ASB3: variants seen among roughly 807,000 people sequenced by gnomAD.
The protein encoded by ASB3 is ankyrin repeat and SOCS box protein 3.
ASB3 carries 41 observed loss-of-function variants against 54.5 expected under a neutral mutation model. That is an observed-to-expected ratio of 0.75 (90% CI 0.59 to 0.98). The LOEUF (loss-of-function observed/expected upper bound fraction) is 0.98, where lower values mean the gene tolerates loss of function less well. Among genes scored for constraint, ASB3 ranks in the 50% least tolerant of loss-of-function variants. The pLI is 0.00. For synonymous variants in ASB3, 266 were observed against 221.2 expected (o/e 1.20, Z -1.80); for missense variants, 733 against 620.0 (o/e 1.18, Z -1.94).
intron 3 of ASB3, among the ~76,000 whole-genome samples, chr2:53,732,073 C>T (rs992544344): frequency 3.3e-5 from 5 of 152,092 alleles, no homozygotes; most frequent in Non-Finnish European, 7.3e-5. Context: ...ATTCTTCTGC[C>T]TCAACCTCCC....
intron 3 of ASB3, among the ~76,000 whole-genome samples, chr2:53,739,406 T>C (rs542655108): frequency 1.3e-5 from 2 of 152,186 alleles, no homozygotes; most frequent in African/African-American, 4.8e-5. Context: ...TACATACATG[T>C]AAGTACTAAA....
At chr2:53,761,818 A>C (rs1673164585) in intron 2 of ASB3, among the ~76,000 whole-genome samples, 1 of 152,230 alleles carries the variant, frequency 6.6e-6, no homozygotes, top group Admixed American at 6.5e-5. Flanking sequence ...GCACTTCTAA[A>C]ACTCCATCCT....
At chr2:53,697,718 G>GT (rs1669262265) in intron 8 of ASB3, among the ~76,000 whole-genome samples, 1 of 152,168 alleles carries the variant, frequency 6.6e-6, no homozygotes, top group Non-Finnish European at 1.5e-5. Context: ...TAGGACCCAA[G>GT]TAAGTCCAAA....
intron 1 of ASB3, among the ~76,000 whole-genome samples, chr2:53,772,426 G>C (rs988570734): frequency 1.3e-5 from 2 of 151,976 alleles, no homozygotes; most frequent in Non-Finnish European, 2.9e-5. Context: ...CGCCCGCCTT[G>C]GCCTCCCAAA....
intron 1 of ASB3, among the ~76,000 whole-genome samples, chr2:53,781,790 C>T (rs566566898): frequency 1.1e-4 from 17 of 152,280 alleles, no homozygotes; most frequent in African/African-American, 3.6e-4. Flanking sequence ...CCACCACGCC[C>T]GGCGGAGATT....
intron 3 of ASB3, among the ~76,000 whole-genome samples, chr2:53,742,502 A>T (rs143076006): frequency 6.6e-6 from 1 of 152,204 alleles, no homozygotes; most frequent in African/African-American, 2.4e-5. Flanking sequence ...ATTGTAGCTA[A>T]ATCTACAACT....
intron 9 of ASB3, among the ~76,000 whole-genome samples, chr2:53,676,116 T>C (rs762177035): frequency 5.9e-5 from 9 of 152,236 alleles, no homozygotes; most frequent in Non-Finnish European, 1.3e-4. Context: ...GGTTCTTTTA[T>C]ATATTGTATC....
intron 2 of ASB3, among the ~76,000 whole-genome samples, chr2:53,754,701 C>G (rs189167674): frequency 5.7e-4 from 87 of 152,284 alleles, no homozygotes; most frequent in African/African-American, 2.0e-3. Flanking sequence ...GATAAATTAG[C>G]TGGACCAACT....
chr2:53,711,231 G>A (rs562456276), intron 7 of ASB3, among the ~76,000 whole-genome samples: 20 of 152,246 alleles, frequency 1.3e-4, no homozygotes, highest in South Asian at 1.0e-3. Context: ...TAGGGTATCC[G>A]CTTCTCCAAG....
intron 1 of ASB3, among the ~76,000 whole-genome samples, chr2:53,771,045 A>G (rs1398446217): frequency 6.6e-6 from 1 of 152,214 alleles, no homozygotes; most frequent in Non-Finnish European, 1.5e-5. Flanking sequence ...AATCAGCAGG[A>G]AAGTTGTTAC....
intron 1 of ASB3, chr2:53,774,228 C>G (rs1294702413): frequency 6.2e-7 from 1 of 1,613,934 alleles, no homozygotes; most frequent in Non-Finnish European, 8.5e-7. Flanking sequence ...AAAAAGGAGG[C>G]TACAGAACCA....
intron 1 of ASB3, among the ~76,000 whole-genome samples, chr2:53,775,488 T>C (rs1219144830): frequency 6.6e-6 from 1 of 152,208 alleles, no homozygotes; most frequent in Non-Finnish European, 1.5e-5. Flanking sequence ...TTTGTTTTGT[T>C]TTTTGAGACG....
chr2:53,725,289 G>A (rs544687379), intron 5 of ASB3, among the ~76,000 whole-genome samples: 1 of 152,246 alleles, frequency 6.6e-6, no homozygotes, highest in Admixed American at 6.5e-5. Context: ...TAATAGAGAG[G>A]GGAGGCAGGG....
At chr2:53,773,851 G>A (rs1046627984) in intron 1 of ASB3, among the ~76,000 whole-genome samples, 11 of 151,774 alleles carry the variant, frequency 7.2e-5, no homozygotes, top group African/African-American at 1.9e-4. Flanking sequence ...CCTGGCCAAC[G>A]TGACAAAACC....
chr2:53,679,797 G>C (rs1020699659), intron 9 of ASB3, among the ~76,000 whole-genome samples: 3 of 151,962 alleles, frequency 2.0e-5, no homozygotes, highest in African/African-American at 7.3e-5. Context: ...TCATTACGTA[G>C]ATAAACTTGT....
chr2:53,693,844 GA>G, intron 9 of ASB3, 39 bp downstream of exon 9: 1 of 1,590,914 alleles, frequency 6.3e-7, no homozygotes, highest in Non-Finnish European at 8.6e-7. Context: ...GCAAGAGAAG[GA>G]AAAGTAGTGA....
At chr2:53,716,512 C>T in intron 6 of ASB3, 54 bp downstream of exon 6, 1 of 1,577,026 alleles carries the variant, frequency 6.3e-7, no homozygotes, top group East Asian at 2.2e-5. Context: ...CAGATTTATT[C>T]TTTATTAGCT....
intron 3 of ASB3, among the ~76,000 whole-genome samples, chr2:53,734,914 A>G (rs551254104): frequency 1.4e-5 from 2 of 142,764 alleles, no homozygotes; most frequent in South Asian, 4.6e-4. Context: ...TTTACTTTAT[A>G]CAAGTTTTTT....
chr2:53,779,403 C>T (rs1674523371), intron 1 of ASB3, among the ~76,000 whole-genome samples: 2 of 152,054 alleles, frequency 1.3e-5, no homozygotes, highest in African/African-American at 2.4e-5. Context: ...CCAGATTGTA[C>T]CCAAATAAGA....
Sources: allele counts gnomAD v4.1 joint callset (sites outside exome capture counted in the v4.1 genomes callset), GRCh38; gene constraint gnomAD v4.1.1; transcripts MANE v1.5; gene names NCBI Gene and HGNC (gene_info 2026-07-23, HGNC 2026-07-21).